The following CILK1 variants were observed in gnomAD, a reference collection of about 807,000 sequenced individuals.
The protein encoded by CILK1 is serine/threonine-protein kinase ICK.
A neutral mutation model predicts 79.2 loss-of-function variants in CILK1; 47 were observed. That is an observed-to-expected ratio of 0.59 (90% CI 0.47 to 0.76). The LOEUF is 0.76. Ranked by LOEUF, CILK1 falls within the 30% of genes least tolerant of loss-of-function variation. The pLI is 0.00. For missense variants in CILK1, 660 were observed against 769.5 expected (o/e 0.86, Z 1.68); for synonymous variants, 266 against 275.9 (o/e 0.96, Z 0.36).
At chr6:53,033,772 T>C (rs1766128961) in intron 3 of CILK1, among the ~76,000 whole-genome samples, 1 of 152,178 alleles carries the variant, frequency 6.6e-6, no homozygotes, top group African/African-American at 2.4e-5. Context: ...AGTGATAAAG[T>C]ACCCAGGGTT....
Position 53,041,233 on chromosome 6 carries a change from T to G in CILK1, c.4A>C (p.Asn2His). 6.2e-7 allele frequency: 1 copy of G among 1,611,672 alleles called. No homozygotes were observed. Among genetic ancestry groups the G allele is most frequent in the South Asian group, 1.1e-5 (1 of 91,032 alleles). M[N>H]RYTTIRQLGD... is the part of the protein sequence containing the mutation. ...AGCTGCCTGATTGTTGTGTATCTAT[T>G]CATGGTGTGCCTGCTCAGGCCGGAC... Residue 2 changes from asparagine (N) to histidine (H), a missense_variant, in exon 2 of 14, where the codon AAT becomes CAT. By Grantham distance (68) the Asn-to-His change is moderately conservative (BLOSUM62 1). Coordinates refer to ENST00000676107, the MANE Select transcript of CILK1 (RefSeq NM_014920.5).
intron 6 of CILK1, among the ~76,000 whole-genome samples, chr6:53,019,013 A>G (rs1485990063): frequency 6.6e-6 from 1 of 152,190 alleles, no homozygotes; most frequent in Non-Finnish European, 1.5e-5. Flanking sequence ...TTTTATTTAC[A>G]TTATAGAAAA....
intron 1 of CILK1, among the ~76,000 whole-genome samples, chr6:53,046,872 C>A (rs1767112761): frequency 6.6e-6 from 1 of 152,020 alleles, no homozygotes; most frequent in South Asian, 2.1e-4. Context: ...AGAGATCTGA[C>A]AATCCTTCAG....
intron 5 of CILK1, among the ~76,000 whole-genome samples, chr6:53,028,375 T>C (rs1394869608): frequency 1.3e-5 from 2 of 152,212 alleles, no homozygotes; most frequent in Non-Finnish European, 2.9e-5. Flanking sequence ...TTGTTCTCGC[T>C]GAGCACAGGC....
chr6:53,043,230 C>T (rs1285196210), intron 1 of CILK1, among the ~76,000 whole-genome samples: 3 of 151,904 alleles, frequency 2.0e-5, no homozygotes, highest in Non-Finnish European at 2.9e-5. Flanking sequence ...GCAGGAGAAT[C>T]GCTTGAACCC....
At chr6:53,026,533 T>C (rs1765593216) in intron 5 of CILK1, among the ~76,000 whole-genome samples, 1 of 152,184 alleles carries the variant, frequency 6.6e-6, no homozygotes, top group Non-Finnish European at 1.5e-5. Context: ...CATTCTCTCA[T>C]TTGACTCTCC....
At chr6:53,030,699 GAAAAATGAGAAGT>G (rs1765891049) in intron 5 of CILK1, among the ~76,000 whole-genome samples, 1 of 152,080 alleles carries the variant, frequency 6.6e-6, no homozygotes, top group South Asian at 2.1e-4. Context: ...AAATACATTA[GAAAAATGAGAAGT>G]AACAGTGAAG....
intron 5 of CILK1, among the ~76,000 whole-genome samples, chr6:53,021,274 G>A (rs1454074421): frequency 3.4e-5 from 5 of 146,986 alleles, no homozygotes. Flanking sequence ...GCAGTGAGCT[G>A]AGATCACACC....
At chr6:53,055,485 T>C (rs1487355702) in intron 1 of CILK1, among the ~76,000 whole-genome samples, 1 of 152,246 alleles carries the variant, frequency 6.6e-6, no homozygotes, top group Non-Finnish European at 1.5e-5. Context: ...GGACCTTCTT[T>C]ACATGGATCT....
At chr6:53,008,960 A>G (rs1271557425) in intron 12 of CILK1, among the ~76,000 whole-genome samples, 1 of 152,046 alleles carries the variant, frequency 6.6e-6, no homozygotes, top group South Asian at 2.1e-4. Flanking sequence ...CAGTAAATTC[A>G]TTCATCCGTT....
intron 1 of CILK1, among the ~76,000 whole-genome samples, chr6:53,050,836 ATTT>A (rs1040450667): frequency 6.6e-6 from 1 of 152,006 alleles, no homozygotes. Context: ...TCAAAAAAAA[ATTT>A]TTTTTAATTT....
At chr6:53,028,306 A>C (rs943048148) in intron 5 of CILK1, among the ~76,000 whole-genome samples, 1 of 152,140 alleles carries the variant, frequency 6.6e-6, no homozygotes, top group Admixed American at 6.5e-5. Context: ...ACAGGGTGAA[A>C]CTGAAATTAG....
intron 11 of CILK1, 89 bp downstream of exon 11, chr6:53,011,680 C>T (rs1168471898): frequency 8.0e-6 from 10 of 1,253,908 alleles, no homozygotes; most frequent in Non-Finnish European, 1.1e-5. Flanking sequence ...CTAGTATCTG[C>T]CTTCTAAAAC....
chr6:53,019,396 A>G (rs1257915169), intron 5 of CILK1, 37 bp from the exon 6 acceptor site: 5 of 1,612,112 alleles, frequency 3.1e-6, no homozygotes, highest in Non-Finnish European at 4.2e-6. Flanking sequence ...TCCAAATGCA[A>G]GTTTGCTTCG....
chr6:53,023,432 T>G (rs1023276605), intron 5 of CILK1, among the ~76,000 whole-genome samples: 1 of 152,016 alleles, frequency 6.6e-6, no homozygotes, highest in Non-Finnish European at 1.5e-5. Context: ...CAGGGTCAAC[T>G]AGAGAGCAAA....
intron 7 of CILK1, 107 bp downstream of exon 7, chr6:53,018,223 C>T (rs1352116377): frequency 1.9e-6 from 2 of 1,075,404 alleles, no homozygotes; most frequent in East Asian, 4.7e-5. Context: ...AGAGAAAGAG[C>T]CTAGAATGGG....
At chr6:53,009,163 A>G (rs991562575) in intron 12 of CILK1, among the ~76,000 whole-genome samples, 2 of 152,184 alleles carry the variant, frequency 1.3e-5, no homozygotes, top group East Asian at 3.8e-4. Flanking sequence ...AGGCCTAGTA[A>G]GAGTCTGTAA....
chr6:53,020,936 C>T (rs1192849723), intron 5 of CILK1, among the ~76,000 whole-genome samples: 1 of 152,208 alleles, frequency 6.6e-6, no homozygotes. Context: ...ATCTCCCCTT[C>T]CTAACCTTTG....
chr6:53,018,174 G>A (rs1238489733), intron 7 of CILK1, among the ~76,000 whole-genome samples, 156 bp downstream of exon 7: 3 of 152,226 alleles, frequency 2.0e-5, no homozygotes, highest in East Asian at 1.9e-4. Flanking sequence ...GAAGCCGACC[G>A]TATCTGAGAA....
Sources: allele counts gnomAD v4.1 joint callset (sites outside exome capture counted in the v4.1 genomes callset), GRCh38; gene constraint gnomAD v4.1.1; transcripts MANE v1.5; gene names NCBI Gene and HGNC (gene_info 2026-07-23, HGNC 2026-07-21).